The following TMEM135 variants were observed in gnomAD, a reference collection of about 807,000 sequenced individuals.
The protein encoded by TMEM135 is peroxisomal membrane protein 52.
A neutral mutation model predicts 60.3 loss-of-function variants in TMEM135; 30 were observed. The ratio of observed to expected loss-of-function variants is 0.50; its 90% CI spans 0.37 to 0.68. The LOEUF (loss-of-function observed/expected upper bound fraction) is 0.68. TMEM135 is among the 30% of genes least tolerant of loss of function. The probability of loss-of-function intolerance (pLI) is 0.00; values close to 1 mark genes in which losing one functional copy is unlikely to be tolerated. For synonymous variants in TMEM135, 190 were observed against 186.7 expected (o/e 1.02, Z -0.14); for missense variants, 468 against 548.8 (o/e 0.85, Z 1.47).
chr11:87,146,104 A>G (rs60467725), intron 4 of TMEM135, among the ~76,000 whole-genome samples: 5,734 of 152,232 alleles, frequency 0.038, 330 homozygotes, highest in African/African-American at 0.13. Flanking sequence ...TGATTTTTGT[A>G]TATGGTGTGA....
Position 87,167,938 on chromosome 11 carries a change from C to A in TMEM135, c.462+10532C>A, listed in dbSNP as rs533844495. On this transcript the variant is annotated intron_variant, in intron 5 of 14. Transcript: ENST00000305494. Reference sequence around the variant, plus strand: ...AATTCAGGTGTGAATCTGTCAGGTCCTGGGCTTTTTTTGGGTGGCAGGCTA... The same window carrying A: ...AATTCAGGTGTGAATCTGTCAGGTCATGGGCTTTTTTTGGGTGGCAGGCTA... Among the ~76,000 whole-genome samples, 40 of 152,096 alleles carry A rather than the reference C, an allele frequency of 2.6e-4. No homozygotes were observed. The South Asian group carries it at 6.4e-3, about 24-fold the overall frequency.
At chr11:87,246,325 G>A (rs1218199981) in intron 6 of TMEM135, among the ~76,000 whole-genome samples, 7 of 150,102 alleles carry the variant, frequency 4.7e-5, no homozygotes, top group Non-Finnish European at 7.4e-5. Context: ...TGACAATTAT[G>A]TGTCTTGGAG....
intron 4 of TMEM135, among the ~76,000 whole-genome samples, chr11:87,111,643 T>A: frequency 8.7e-6 from 1 of 115,086 alleles, no homozygotes; most frequent in Admixed American, 1.0e-4. Flanking sequence ...TGAGCAAGAC[T>A]CCGTCTCAAA....
rs188124159 is a variant in TMEM135 at position 87,204,892 on chromosome 11, C to T, written c.463-31746C>T. On this transcript the variant is annotated intron_variant, in intron 5 of 14. Transcript: ENST00000305494. ...TTATATTACTTGTTTTATGACTATT[C>T]TTTTCTTTAATTATTTCTTCTATCA... 2.5e-3 allele frequency among the ~76,000 whole-genome samples: 383 copies of T among 152,222 alleles called. 3 individuals carry two copies. The highest frequency in any genetic ancestry group is 6.0e-3 in the Admixed American group (92 of 15,282).
chr11:87,119,503 C>T (rs1322155943), intron 4 of TMEM135, among the ~76,000 whole-genome samples: 1 of 152,174 alleles, frequency 6.6e-6, no homozygotes, highest in Non-Finnish European at 1.5e-5. Flanking sequence ...AGGAGTTTGC[C>T]ACCAGCCTGG....
chr11:87,312,164 T>C (rs1453169535), intron 10 of TMEM135, among the ~76,000 whole-genome samples: 1 of 151,394 alleles, frequency 6.6e-6, no homozygotes, highest in Non-Finnish European at 1.5e-5. Context: ...TTCCTTTTTT[T>C]CTTCCTCTTT....
At chr11:87,249,927 G>A (rs1365927950) in intron 6 of TMEM135, among the ~76,000 whole-genome samples, 3 of 151,988 alleles carry the variant, frequency 2.0e-5, no homozygotes, top group African/African-American at 7.2e-5. Flanking sequence ...AAACTATCAG[G>A]TTCTGGACTT....
rs1941438679 is a variant in TMEM135 at position 87,252,565 on chromosome 11, G to A, written c.509+15881G>A. On this transcript the variant is annotated intron_variant, in intron 6 of 14. Transcript: ENST00000305494. ...AGGCAGGTAGATCACCTGAGGTCAG[G>A]AGTTTGAGACCAGCCTGACCAACAT... 2.0e-5 allele frequency among the ~76,000 whole-genome samples: 3 copies of A among 152,000 alleles called. No individual in the cohort carries two copies. In the South Asian group the frequency reaches 6.2e-4, roughly 32 times the overall value.
At chr11:87,159,528 A>G (rs1938802020) in intron 5 of TMEM135, among the ~76,000 whole-genome samples, 1 of 151,964 alleles carries the variant, frequency 6.6e-6, no homozygotes, top group African/African-American at 2.4e-5. Context: ...TTTTAATTTA[A>G]TGATTTGATT....
At chr11:87,125,552 A>G (rs1937703073) in intron 4 of TMEM135, among the ~76,000 whole-genome samples, 1 of 152,218 alleles carries the variant, frequency 6.6e-6, no homozygotes, top group Non-Finnish European at 1.5e-5. Context: ...GGAGTCTGTT[A>G]TGTCTGGACA....
intron 1 of TMEM135, among the ~76,000 whole-genome samples, chr11:87,054,120 C>T (rs1003262740): frequency 6.6e-6 from 1 of 152,194 alleles, no homozygotes; most frequent in East Asian, 1.9e-4. Context: ...TTTTAACTAA[C>T]TTGGCTCATA....
chr11:87,213,353 T>C (rs937345127), intron 5 of TMEM135, among the ~76,000 whole-genome samples: 1 of 152,144 alleles, frequency 6.6e-6, no homozygotes, highest in African/African-American at 2.4e-5. Context: ...ACGATTTTGT[T>C]TTGGCAGTGT....
At chr11:87,203,606 T>C (rs974791760) in intron 5 of TMEM135, among the ~76,000 whole-genome samples, 6 of 152,230 alleles carry the variant, frequency 3.9e-5, no homozygotes, top group Non-Finnish European at 7.3e-5. Flanking sequence ...TTTACTCACC[T>C]ACTGGAGAAC....
At chr11:87,260,504 C>T (rs1269248226) in intron 6 of TMEM135, among the ~76,000 whole-genome samples, 1 of 151,372 alleles carries the variant, frequency 6.6e-6, no homozygotes, top group African/African-American at 2.4e-5. Context: ...CATTAAAATT[C>T]CGGTCACTTT....
At chr11:87,172,514 A>G (rs1030656600) in intron 5 of TMEM135, among the ~76,000 whole-genome samples, 3 of 152,070 alleles carry the variant, frequency 2.0e-5, no homozygotes, top group Admixed American at 2.0e-4. Flanking sequence ...TAAACCTTCC[A>G]GGAGCATGGT....
At chr11:87,093,546 T>C (rs1857256362) in intron 4 of TMEM135, among the ~76,000 whole-genome samples, 1 of 151,666 alleles carries the variant, frequency 6.6e-6, no homozygotes, top group Non-Finnish European at 1.5e-5. Context: ...ATTATTATTT[T>C]TTGAGATGGA....
chr11:87,176,965 C>T (rs1426597617), intron 5 of TMEM135, among the ~76,000 whole-genome samples: 2 of 152,162 alleles, frequency 1.3e-5, no homozygotes, highest in Non-Finnish European at 1.5e-5. Flanking sequence ...TTAGCCAGTG[C>T]TGAGTGCAAA....
chr11:87,155,198 C>T (rs772152472), intron 4 of TMEM135, among the ~76,000 whole-genome samples: 1 of 152,118 alleles, frequency 6.6e-6, no homozygotes, highest in Non-Finnish European at 1.5e-5. Context: ...GGGGTTTCAC[C>T]ACGTTGGCCA....
intron 5 of TMEM135, among the ~76,000 whole-genome samples, chr11:87,183,987 G>T (rs1415360997): frequency 6.9e-6 from 1 of 145,758 alleles, no homozygotes; most frequent in African/African-American, 2.5e-5. Context: ...AAATCCGAGA[G>T]TTAAACGAAT....
Sources: gnomAD v4.1 joint callset for allele counts (sites outside exome capture counted in the v4.1 genomes callset) on GRCh38, gnomAD v4.1.1 for gene constraint, MANE v1.5 for transcripts, NCBI Gene and HGNC (gene_info 2026-07-23, HGNC 2026-07-21) for gene names.